Variants in PTK2 observed in about 807,000 individuals in gnomAD.
The protein encoded by PTK2 is protein tyrosine kinase 2, also known as focal adhesion kinase 1.
Under a neutral mutation model 150.1 loss-of-function variants are expected in PTK2, and 45 were observed. That is an observed-to-expected ratio of 0.30 (90% confidence interval 0.24 to 0.38). The LOEUF (loss-of-function observed/expected upper bound fraction) is 0.38, where lower values mean the gene tolerates loss of function less well. Ranked by LOEUF, PTK2 falls within the 10% of genes least tolerant of loss-of-function variation. The probability of loss-of-function intolerance (pLI) is 1.00; values close to 1 mark genes in which losing one functional copy is unlikely to be tolerated. For synonymous variants in PTK2, 432 were observed against 449.2 expected (o/e 0.96, Z 0.48); for missense variants, 919 against 1,307.3 (o/e 0.70, Z 4.58).
At chr8:140,938,505 C>T (rs936831930) in intron 1 of PTK2, among the ~76,000 whole-genome samples, 4 of 152,176 alleles carry the variant, frequency 2.6e-5, no homozygotes, top group East Asian at 1.9e-4. Context: ...TAAGTTTCCC[C>T]AATAAATGCT....
At chr8:140,770,401 C>T (rs962206728) in intron 14 of PTK2, among the ~76,000 whole-genome samples, 10 of 152,114 alleles carry the variant, frequency 6.6e-5, no homozygotes, top group African/African-American at 2.4e-4. Flanking sequence ...AAGTGTGATC[C>T]TGCTGACCTC....
At chr8:140,686,935 G>A in intron 26 of PTK2, 1 of 494,830 alleles carries the variant, frequency 2.0e-6, no homozygotes, top group Admixed American at 3.6e-5. Context: ...CCCACCCAGT[G>A]CTGGAGAACC....
chr8:140,752,339 T>A (rs2100063245), intron 16 of PTK2, 23 bp from the exon 20 acceptor site: 2 of 1,598,908 alleles, frequency 1.3e-6, no homozygotes, highest in East Asian at 4.5e-5. Flanking sequence ...AATTATAGAA[T>A]CACACACACA....
At position 140,696,513 on chromosome 8, in the gene PTK2, T is replaced by C. The variant is rs143820683; in HGVS notation, c.2499+4378A>G. 4.4e-4 allele frequency among the ~76,000 whole-genome samples: 67 copies of C among 152,266 alleles called. 1 individual carries two copies. The highest frequency in any genetic ancestry group is 7.8e-4 in the Non-Finnish European group (53 of 68,030). ...TGTTGCTAAGAACTCCTACTATTCA[T>C]AGGACAGCCTCCTACAACAAAGAAT... On this transcript the variant is annotated intron_variant, in intron 26 of 31. Coordinates refer to ENST00000522684, the Ensembl canonical transcript of PTK2.
rs533765031 is a variant in PTK2 at position 140,739,718 on chromosome 8, C to T, written c.1736-611G>A. On this transcript the variant is annotated intron_variant, in intron 20 of 31. Coordinates refer to ENST00000522684, the Ensembl canonical transcript of PTK2. ...CCCAAGGCTGCCCCACTAACAGGTG[C>T]CAGAGTTGGGATTCAAACCTCTCCA... Among the ~76,000 whole-genome samples, 9 of 152,278 alleles carry T rather than the reference C, an allele frequency of 5.9e-5. No homozygotes were observed. The East Asian group carries it at 1.7e-3, about 29-fold the overall frequency.
chr8:140,926,934 T>C (rs544168495), intron 1 of PTK2, among the ~76,000 whole-genome samples: 2 of 152,348 alleles, frequency 1.3e-5, no homozygotes, highest in East Asian at 3.9e-4. Context: ...TAATTTCTTA[T>C]TTCTGTTTTG....
intron 22 of PTK2, among the ~76,000 whole-genome samples, chr8:140,726,831 G>C (rs1040071874): frequency 2.0e-5 from 3 of 152,194 alleles, no homozygotes; most frequent in Non-Finnish European, 4.4e-5. Context: ...AGAAGAGTGA[G>C]TTTGCTTACT....
intron 14 of PTK2, among the ~76,000 whole-genome samples, chr8:140,780,967 A>G (rs1423806887): frequency 6.6e-6 from 1 of 152,214 alleles, no homozygotes; most frequent in African/African-American, 2.4e-5. Flanking sequence ...TTTTCCATAA[A>G]AAGTTTTAAA....
intron 1 of PTK2, among the ~76,000 whole-genome samples, chr8:140,959,753 G>C (rs935589395): frequency 1.3e-5 from 2 of 151,998 alleles, no homozygotes; most frequent in East Asian, 3.9e-4. Context: ...AGCACTTTGG[G>C]AGGCCAAGGT....
chr8:140,710,678 A>T (rs893472393), intron 23 of PTK2, among the ~76,000 whole-genome samples: 1 of 152,222 alleles, frequency 6.6e-6, no homozygotes, highest in African/African-American at 2.4e-5. Flanking sequence ...CTCAAAAAAC[A>T]GAACAAGCCA....
At chr8:140,771,779 ATTT>A (rs34027936) in intron 14 of PTK2, among the ~76,000 whole-genome samples, 4 of 135,018 alleles carry the variant, frequency 3.0e-5, no homozygotes, top group Non-Finnish European at 4.8e-5. Context: ...TCCTATTAAC[ATTT>A]TTTTTTTTTT....
intron 22 of PTK2, 112 bp downstream of exon 25, chr8:140,735,139 T>C (rs955382245): frequency 5.1e-6 from 5 of 989,966 alleles, no homozygotes; most frequent in East Asian, 2.6e-5. Flanking sequence ...GAACGAAAAA[T>C]AGTTCGGCCT....
At chr8:140,861,090 C>T (rs2100135803) in intron 5 of PTK2, among the ~76,000 whole-genome samples, 1 of 152,150 alleles carries the variant, frequency 6.6e-6, no homozygotes, top group African/African-American at 2.4e-5. Context: ...CCTATACTCC[C>T]AGCACTTTGG....
rs575043683 is a variant in PTK2 at position 140,772,079 on chromosome 8, G to A, written c.1178-7789C>T. 3.3e-5 allele frequency among the ~76,000 whole-genome samples: 5 copies of A among 152,110 alleles called. No homozygotes were observed. The South Asian group carries it at 8.3e-4, about 25-fold the overall frequency. On this transcript the variant is annotated intron_variant, in intron 14 of 31. Coordinates refer to ENST00000522684, the Ensembl canonical transcript of PTK2. ...GTTGTGATTACAGGCATAAGCCACC[G>A]CGCCCGGCCGATCCCAGTAACATTT... is the stretch of plus-strand genomic sequence containing the variant.
chr8:140,768,850 A>T (rs2100073916), intron 14 of PTK2, among the ~76,000 whole-genome samples: 1 of 152,150 alleles, frequency 6.6e-6, no homozygotes, highest in Non-Finnish European at 1.5e-5. Context: ...AGCTCGTTAT[A>T]CTCGTTATCA....
chr8:140,967,461 C>CTTTTTTTTTTTTTT (rs137959476), intron 1 of PTK2, among the ~76,000 whole-genome samples: 1 of 121,546 alleles, frequency 8.2e-6, no homozygotes, highest in African/African-American at 3.0e-5. Context: ...TTCTTTCTTT[C>CTTTTTTTTTTTTTT]TTTTTTTTTT....
At chr8:140,669,310 T>TGC (rs2094300505) in intron 29 of PTK2, 1 of 43,370 alleles carries the variant, frequency 2.3e-5, no homozygotes, top group African/African-American at 5.6e-5. Context: ...GGTATATATA[T>TGC]ATATATATAT....
chr8:140,911,125 A>G (rs945876028), intron 2 of PTK2, among the ~76,000 whole-genome samples: 1 of 151,554 alleles, frequency 6.6e-6, no homozygotes, highest in Admixed American at 6.6e-5. Context: ...TCCTGAGCTC[A>G]AGCAATCCAC....
At chr8:140,973,844 T>C (rs543820195) in intron 1 of PTK2, among the ~76,000 whole-genome samples, 1 of 152,354 alleles carries the variant, frequency 6.6e-6, no homozygotes, top group South Asian at 2.1e-4. Flanking sequence ...AGTGATATCT[T>C]AACCAGTCTA....
Sources: gnomAD v4.1 joint callset for allele counts (sites outside exome capture counted in the v4.1 genomes callset) on GRCh38, gnomAD v4.1.1 for gene constraint, MANE v1.5 for transcripts, NCBI Gene and HGNC (gene_info 2026-07-23, HGNC 2026-07-21) for gene names.